ZNF532: variants seen among roughly 807,000 people sequenced by gnomAD.
ZNF532 encodes the protein zinc finger protein 532.
A neutral mutation model predicts 89.3 loss-of-function variants in ZNF532; 22 were observed. That is an observed-to-expected ratio of 0.25 (90% CI 0.18 to 0.35). The LOEUF is 0.35. ZNF532 is among the 10% of genes least tolerant of loss of function. ZNF532 has a pLI of 1.00. For missense variants in ZNF532, 1,132 were observed against 1,643.4 expected (o/e 0.69, Z 5.38); for synonymous variants, 606 against 649.6 (o/e 0.93, Z 1.02).
At chr18:58,889,852 A>C (rs1245875167) in intron 2 of ZNF532, among the ~76,000 whole-genome samples, 1 of 151,978 alleles carries the variant, frequency 6.6e-6, no homozygotes, top group African/African-American at 2.4e-5. Flanking sequence ...TGGGAGGCCA[A>C]GGCAGGATCA....
In ZNF532 at chr18:58,919,838, C is replaced by T. The variant is rs563089758; in HGVS notation, c.1551C>T (p.Leu517=). ...CATCCAGCCTGGCCAATGCCAAACT[C>T]GTGCCAAAGACTGTGCACCTTGCCA... ...VPASSLANAK[L]VPKTVHLANL... The change falls in exon 3 of 10, where the codon CTC becomes CTT. Residue 517 remains leucine, a synonymous_variant. Transcript: ENST00000591808. This position sits in a 1 kb window ranked among gnomAD's most constrained non-coding sequence, Gnocchi z 6.1. 15 of 1,614,038 alleles carry T rather than the reference C, an allele frequency of 9.3e-6. No homozygotes were observed. In the East Asian group the frequency reaches 1.8e-4, roughly 19 times the overall value.
chr18:58,884,546 T>A (rs542376732), intron 2 of ZNF532, among the ~76,000 whole-genome samples: 5 of 152,372 alleles, frequency 3.3e-5, no homozygotes, highest in Admixed American at 2.6e-4. Context: ...AAGTTATTCT[T>A]TTTCTATACT....
chr18:58,880,793 T>TGTGTGTGTG (rs1402848016), intron 2 of ZNF532, among the ~76,000 whole-genome samples: 4 of 151,554 alleles, frequency 2.6e-5, no homozygotes, highest in Middle Eastern at 3.4e-3. Context: ...TGTGTGTATG[T>TGTGTGTGTG]TTGGGGCCCC....
chr18:58,880,763 C>CTGTGTGTGTGTGGGTGTGTGT (rs770638520), intron 2 of ZNF532, among the ~76,000 whole-genome samples: 1 of 119,624 alleles, frequency 8.4e-6, no homozygotes. Context: ...CGCGCGCGCA[C>CTGTGTGTGTGTGGGTGTGTGT]GCGCGCGCGT....
At chr18:58,964,847 T>TC (rs2065763164) in intron 7 of ZNF532, among the ~76,000 whole-genome samples, 1 of 151,758 alleles carries the variant, frequency 6.6e-6, no homozygotes, top group South Asian at 2.1e-4. Flanking sequence ...CCTCAAGTGA[T>TC]CCTCCAGCCT....
chr18:58,893,995 G>A (rs1268394648), intron 2 of ZNF532, among the ~76,000 whole-genome samples: 1 of 152,068 alleles, frequency 6.6e-6, no homozygotes, highest in African/African-American at 2.4e-5. Flanking sequence ...ATGTTCTTCT[G>A]GTTCTAGACT....
intron 5 of ZNF532, among the ~76,000 whole-genome samples, chr18:58,940,922 T>TGACACACACACACACA (rs1360768932): frequency 4.8e-5 from 1 of 20,668 alleles, no homozygotes; most frequent in African/African-American, 2.7e-4. Flanking sequence ...ATGCCATATT[T>TGACACACACACACACA]TACACACACA....
At chr18:58,884,399 C>T (rs1457965762) in intron 2 of ZNF532, among the ~76,000 whole-genome samples, 1 of 152,104 alleles carries the variant, frequency 6.6e-6, no homozygotes, top group African/African-American at 2.4e-5. Flanking sequence ...TTTTAATTGA[C>T]AAAGTAAATG....
At chr18:58,972,112 G>A (rs1049709976) in intron 7 of ZNF532, among the ~76,000 whole-genome samples, 9 of 152,220 alleles carry the variant, frequency 5.9e-5, no homozygotes, top group Non-Finnish European at 8.8e-5. Flanking sequence ...GCTGAGGTAC[G>A]AGAATCACTT....
intron 3 of ZNF532, among the ~76,000 whole-genome samples, chr18:58,927,090 G>A (rs1292629576): frequency 1.3e-5 from 2 of 152,114 alleles, no homozygotes; most frequent in Non-Finnish European, 2.9e-5. Flanking sequence ...ATTGGTGTTA[G>A]TTTTTCTTTG....
intron 2 of ZNF532, among the ~76,000 whole-genome samples, chr18:58,888,760 TAATATATATAATTTA>T (rs2058556064): frequency 9.1e-4 from 6 of 6,568 alleles, no homozygotes; most frequent in Non-Finnish European, 1.0e-3. Flanking sequence ...TATATAAAAT[TAATATATATAATTTA>T]TATATATATA....
At chr18:58,894,013 C>T (rs1405937303) in intron 2 of ZNF532, among the ~76,000 whole-genome samples, 3 of 152,126 alleles carry the variant, frequency 2.0e-5, no homozygotes, top group Non-Finnish European at 2.9e-5. Flanking sequence ...ACTCAAACTA[C>T]AGGGAGAAGG....
intron 3 of ZNF532, among the ~76,000 whole-genome samples, chr18:58,931,372 T>G (rs562731268): frequency 4.6e-5 from 7 of 152,182 alleles, no homozygotes; most frequent in African/African-American, 1.7e-4. Context: ...GCCCTCATGC[T>G]CAAATACATC....
chr18:58,986,202 C>CT lies in ZNF532; in HGVS notation c.*1737dup, dbSNP rs1466991661. ...TGTTCCTTGTTTTGTTTGTATTGCT[C>CT]TAAGTTGTATTCATAATAGCACTTT... On this transcript the variant is annotated 3_prime_UTR_variant, in exon 10 of 10. Transcript: ENST00000591808. 4 of 152,740 alleles carry CT rather than the reference C, an allele frequency of 2.6e-5. No individual in the cohort carries two copies. Among genetic ancestry groups the CT allele is most frequent in the South Asian group, 2.1e-4 (1 of 4,826 alleles). 9.5% of individuals were successfully genotyped at this position (152,740 alleles called of 1,614,324 possible).
intron 4 of ZNF532, among the ~76,000 whole-genome samples, chr18:58,937,518 C>A (rs949067464): frequency 6.6e-6 from 1 of 152,202 alleles, no homozygotes; most frequent in Non-Finnish European, 1.5e-5. Context: ...GTACATTAAA[C>A]CTTCCTCTCA....
At chr18:58,882,201 A>G (rs1568230854) in intron 2 of ZNF532, among the ~76,000 whole-genome samples, 2 of 152,104 alleles carry the variant, frequency 1.3e-5, no homozygotes, top group South Asian at 4.1e-4. Context: ...AATCATTTCT[A>G]TGGCATGAAA....
intron 2 of ZNF532, among the ~76,000 whole-genome samples, chr18:58,867,053 T>C (rs1199967147): frequency 1.3e-5 from 2 of 152,268 alleles, no homozygotes; most frequent in Non-Finnish European, 2.9e-5. Context: ...GTGTGCTGCT[T>C]CTGCGTTTCT....
chr18:58,929,927 T>C (rs567637338), intron 3 of ZNF532, among the ~76,000 whole-genome samples: 3 of 152,388 alleles, frequency 2.0e-5, no homozygotes, highest in Admixed American at 2.0e-4. Context: ...AATTATACTT[T>C]AGGCAGAAGA....
intron 7 of ZNF532, among the ~76,000 whole-genome samples, chr18:58,957,524 A>T (rs994063056): frequency 8.6e-5 from 13 of 151,426 alleles, no homozygotes; most frequent in African/African-American, 3.2e-4. Flanking sequence ...TAGTATGATT[A>T]TTATTTTGAT....
Sources: allele counts gnomAD v4.1 joint callset (sites outside exome capture counted in the v4.1 genomes callset), GRCh38; gene constraint gnomAD v4.1.1; non-coding constraint Gnocchi (gnomAD v3.1); transcripts MANE v1.5; gene names NCBI Gene and HGNC (gene_info 2026-07-23, HGNC 2026-07-21).